PACS1: variants seen among roughly 807,000 people sequenced by gnomAD.
The protein encoded by PACS1 is PACS-1.
PACS1 carries 24 observed loss-of-function variants against 115.0 expected under a neutral mutation model. The observed-to-expected ratio is 0.21, with a 90% CI of 0.15 to 0.29. The LOEUF (loss-of-function observed/expected upper bound fraction) is 0.29, where lower values mean the gene tolerates loss of function less well. PACS1 is among the 10% of genes least tolerant of loss of function. The pLI, the probability that PACS1 is intolerant of heterozygous loss-of-function variation, is 1.00. For missense variants in PACS1, 838 were observed against 1,251.2 expected, an observed-to-expected ratio of 0.67 and a Z score of 4.98; for synonymous variants, 453 against 504.5, an observed-to-expected ratio of 0.90 and a Z score of 1.37.
At chr11:66,212,282 C>T (rs373054079) in intron 4 of PACS1, among the ~76,000 whole-genome samples, 5 of 151,442 alleles carry the variant, frequency 3.3e-5, no homozygotes, top group Admixed American at 1.3e-4. Context: ...CAGGCGTGCA[C>T]CACCATGCCC....
At chr11:66,227,627 G>C in intron 11 of PACS1, 43 bp downstream of exon 11, 1 of 1,284,886 alleles carries the variant, frequency 7.8e-7, no homozygotes, top group Non-Finnish European at 1.1e-6. Context: ...TTCAAATAGT[G>C]TTTGTCCCTT....
In PACS1 at chr11:66,235,220, A is replaced by C; in HGVS notation, c.2105-81A>C. The C allele has an allele frequency of 1.0e-6, 1 of 984,826 alleles. No individual in the cohort carries two copies. The highest frequency in any genetic ancestry group is 1.6e-6 in the Non-Finnish European group (1 of 617,406). The allele number at this position is 984,826 out of a possible 1,614,324, so 61.0% of individuals were successfully genotyped here. A position where few individuals can be genotyped will look rare whatever the true frequency, so the allele number is the denominator to read the frequency against. ...CTCCTAGAGTCTGACGGGTCTCAGGAAGGGATCCCTCTCCGAGAGGGTCTG... is the reference window on the plus strand; with the variant it reads ...CTCCTAGAGTCTGACGGGTCTCAGGCAGGGATCCCTCTCCGAGAGGGTCTG... On this transcript the variant is annotated intron_variant, in intron 17 of 23. Coordinates refer to ENST00000320580, the MANE Select transcript of PACS1 (RefSeq NM_018026.4). The surrounding 1 kb of genome is among the most constrained non-coding windows in gnomAD (Gnocchi z 5.6).
chr11:66,217,825 C>G, intron 7 of PACS1: 1 of 294,656 alleles, frequency 3.4e-6, no homozygotes, highest in South Asian at 2.7e-5. Context: ...TCAGCCCCTA[C>G]TGCTGAGGCT....
intron 2 of PACS1, among the ~76,000 whole-genome samples, chr11:66,209,896 C>A (rs1855030341): frequency 6.6e-6 from 1 of 151,692 alleles, no homozygotes; most frequent in Non-Finnish European, 1.5e-5. Flanking sequence ...CAGAATGAGA[C>A]TCGTCTCAAA....
In PACS1 at chr11:66,135,928, A is replaced by T. The variant is rs967092681; in HGVS notation, c.357-57558A>T. Among the ~76,000 whole-genome samples, 24 of 152,016 alleles carry T rather than the reference A, an allele frequency of 1.6e-4. No individual in the cohort carries two copies. In the East Asian group the frequency reaches 4.6e-3, roughly 29 times the overall value. ...CCACTTGGCCTCCCAAAGTGCTGGG[A>T]TTACAGGCGTGAGCCACTACACCCA... On this transcript the variant is annotated intron_variant, in intron 1 of 23. Transcript: ENST00000320580.
At chr11:66,108,216 TTTC>T (rs1404314946) in intron 1 of PACS1, among the ~76,000 whole-genome samples, 2 of 152,174 alleles carry the variant, frequency 1.3e-5, no homozygotes. Context: ...TGGTGAGGCC[TTTC>T]TTCTTGGCTG....
At chr11:66,118,380 G>A (rs1214043781) in intron 1 of PACS1, among the ~76,000 whole-genome samples, 4 of 152,084 alleles carry the variant, frequency 2.6e-5, no homozygotes, top group African/African-American at 9.7e-5. Context: ...GGGAGGCTGA[G>A]GCAGTAGGAT....
At position 66,235,759 on chromosome 11, in the gene PACS1, CA is replaced by C; in HGVS notation, c.2208-138del. The stretch of plus-strand genomic sequence containing the variant: ...AGCAAGTCCCAGACCTTCCCCATGC[CA>C]CCCCAGGATGTGATGGGCAGAGGCA... On this transcript the variant is annotated intron_variant, in intron 18 of 23. Coordinates refer to ENST00000320580, the MANE Select transcript of PACS1 (RefSeq NM_018026.4). The surrounding 1 kb of genome is among the most constrained non-coding windows in gnomAD (Gnocchi z 5.6). 1.3e-6 allele frequency: 1 copy of C among 790,384 alleles called. No individual in the cohort carries two copies. The highest frequency in any genetic ancestry group is 1.4e-5 in the South Asian group (1 of 72,056). 49.0% of individuals were successfully genotyped at this position (790,384 alleles called of 1,614,324 possible).
chr11:66,148,755 T>C (rs1590779559), intron 1 of PACS1, among the ~76,000 whole-genome samples: 1 of 152,100 alleles, frequency 6.6e-6, no homozygotes, highest in African/African-American at 2.4e-5. Flanking sequence ...GTGAAACCCC[T>C]TCTCTACTAA....
At position 66,233,331 on chromosome 11, in the gene PACS1, C is replaced by G. The variant is rs1175442982; in HGVS notation, c.1838+265C>G. On this transcript the variant is annotated intron_variant, in intron 15 of 23. Coordinates refer to ENST00000320580, the MANE Select transcript of PACS1 (RefSeq NM_018026.4). This position sits in a 1 kb window ranked among gnomAD's most constrained non-coding sequence, Gnocchi z 4.5. ...GCCATGCCTTGACTTGCTTTATCCT[C>G]TTAAACCCATGATGAAGGAGAGGAC... Among the ~76,000 whole-genome samples the G allele has an allele frequency of 6.6e-6, 1 of 152,212 alleles. No homozygotes were observed. Among genetic ancestry groups the G allele is most frequent in the Non-Finnish European group, 1.5e-5 (1 of 68,042 alleles).
At chr11:66,080,629 C>T (rs1857463025) in intron 1 of PACS1, among the ~76,000 whole-genome samples, 1 of 152,000 alleles carries the variant, frequency 6.6e-6, no homozygotes, top group African/African-American at 2.4e-5. Context: ...TAAAAGTGGG[C>T]GGGGCTGGAA....
At chr11:66,090,622 C>T (rs1032225743) in intron 1 of PACS1, among the ~76,000 whole-genome samples, 3 of 152,140 alleles carry the variant, frequency 2.0e-5, no homozygotes, top group Non-Finnish European at 4.4e-5. Flanking sequence ...GCAACAAGAG[C>T]ACTGATCTGT....
chr11:66,077,519 C>T (rs746278208), intron 1 of PACS1, among the ~76,000 whole-genome samples: 24 of 152,160 alleles, frequency 1.6e-4, no homozygotes, highest in Non-Finnish European at 3.2e-4. Context: ...CATGATCTCG[C>T]CCCTGTACTC....
In PACS1 at chr11:66,244,146, C is replaced by T. The variant is rs1035023564; in HGVS notation, c.*866C>T. The T allele has an allele frequency of 1.3e-5, 2 of 152,394 alleles. No homozygotes were observed. Among genetic ancestry groups the T allele is most frequent in the Non-Finnish European group, 2.9e-5 (2 of 68,198 alleles). The allele number at this position is 152,394 out of a possible 1,614,324, so 9.4% of individuals were successfully genotyped here. ...CCTGCCTCTGCCTCCCAGCCCCTCA[C>T]CCAGCACAGCTCTGCCTGGACTTGG... On this transcript the variant is annotated 3_prime_UTR_variant, in exon 24 of 24. Coordinates refer to ENST00000320580, the MANE Select transcript of PACS1 (RefSeq NM_018026.4).
intron 1 of PACS1, among the ~76,000 whole-genome samples, chr11:66,162,983 A>C (rs1383759316): frequency 6.6e-6 from 1 of 152,170 alleles, no homozygotes; most frequent in East Asian, 1.9e-4. Flanking sequence ...AATAACTAGA[A>C]ATCTAAAAGT....
chr11:66,241,857 G>A (rs768270112), intron 22 of PACS1, among the ~76,000 whole-genome samples: 3 of 152,232 alleles, frequency 2.0e-5, no homozygotes, highest in South Asian at 2.1e-4. Flanking sequence ...AGGCTGCAGA[G>A]AGTCGCTTGG....
At chr11:66,192,334 A>G (rs1313883808) in intron 1 of PACS1, among the ~76,000 whole-genome samples, 1 of 152,202 alleles carries the variant, frequency 6.6e-6, no homozygotes, top group Non-Finnish European at 1.5e-5. Flanking sequence ...TGCTGGGGAC[A>G]CATCACAGAC....
At chr11:66,079,870 T>C (rs1171484493) in intron 1 of PACS1, among the ~76,000 whole-genome samples, 2 of 152,340 alleles carry the variant, frequency 1.3e-5, no homozygotes, top group East Asian at 3.9e-4. Flanking sequence ...CCCTTGTTCC[T>C]GCGGTGGGTC....
chr11:66,096,209 CTTT>C (rs66569530), intron 1 of PACS1, among the ~76,000 whole-genome samples: 2,173 of 119,254 alleles, frequency 0.018, 31 homozygotes, highest in African/African-American at 0.074. Flanking sequence ...CTTTTTCTTT[CTTT>C]TTTTTTTTTT....
Sources: gnomAD v4.1 joint callset for allele counts (sites outside exome capture counted in the v4.1 genomes callset) on GRCh38, gnomAD v4.1.1 for gene constraint, Gnocchi (gnomAD v3.1) non-coding constraint, MANE v1.5 for transcripts, NCBI Gene and HGNC (gene_info 2026-07-23, HGNC 2026-07-21) for gene names.